GALNT13: variants seen among roughly 807,000 people sequenced by gnomAD.
GALNT13 encodes polypeptide N-acetylgalactosaminyltransferase 13, also known as UDP-GalNAc:polypeptide N-acetylgalactosaminyltransferase 13.
In GALNT13, 28 loss-of-function variants were observed where a neutral mutation model predicts 64.2. The observed-to-expected ratio is 0.44, with a 90% CI of 0.32 to 0.60. The LOEUF is 0.60. Ranked by LOEUF, GALNT13 falls within the 20% of genes least tolerant of loss-of-function variation. The probability of loss-of-function intolerance (pLI) is 0.05; values close to 1 mark genes in which losing one functional copy is unlikely to be tolerated. For synonymous variants in GALNT13, 214 were observed against 224.6 expected, an observed-to-expected ratio of 0.95 and a Z score of 0.42; for missense variants, 577 against 669.8, an observed-to-expected ratio of 0.86 and a Z score of 1.53.
At chr2:154,216,322 T>C (rs539791975) in intron 4 of GALNT13, among the ~76,000 whole-genome samples, 1 of 152,230 alleles carries the variant, frequency 6.6e-6, no homozygotes, top group East Asian at 1.9e-4. Context: ...TTATAGTGCT[T>C]AATGAAACAC....
At chr2:153,521,423 G>A in the GALNT13 span, among the ~76,000 whole-genome samples, 1 of 152,166 alleles carries the variant, frequency 6.6e-6, no homozygotes, top group Non-Finnish European at 1.5e-5. Flanking sequence ...AAAATTAAGA[G>A]GGAAGTACAG....
chr2:153,370,774 A>G, the GALNT13 span: 1 of 152,498 alleles, frequency 6.6e-6, no homozygotes, highest in Non-Finnish European at 1.5e-5. Flanking sequence ...GGCAGCCCAA[A>G]TATTTTTGGA....
At chr2:153,181,035 T>TTTTTTTTC in the GALNT13 span, among the ~76,000 whole-genome samples, 19 of 139,282 alleles carry the variant, frequency 1.4e-4, no homozygotes, top group Non-Finnish European at 2.5e-4. Context: ...TGTTTCTTTT[T>TTTTTTTTC]TTTTTTTTTT....
the GALNT13 span, among the ~76,000 whole-genome samples, chr2:153,448,174 T>C: frequency 9.8e-4 from 150 of 152,332 alleles, no homozygotes; most frequent in Middle Eastern, 3.4e-3. Context: ...AAAAGACTTA[T>C]CCTTTGTTCA....
the GALNT13 span, among the ~76,000 whole-genome samples, chr2:153,115,221 C>T: frequency 6.6e-6 from 1 of 152,168 alleles, no homozygotes; most frequent in Non-Finnish European, 1.5e-5. Context: ...TCACTCTTTT[C>T]ATTTTGTCTG....
intron 3 of GALNT13, among the ~76,000 whole-genome samples, chr2:154,093,184 G>T (rs1296846118): frequency 6.6e-6 from 1 of 151,898 alleles, no homozygotes; most frequent in Non-Finnish European, 1.5e-5. Flanking sequence ...GTAGTAAATG[G>T]TGAATATTCA....
chr2:153,629,533 A>G, the GALNT13 span, among the ~76,000 whole-genome samples: 1 of 152,348 alleles, frequency 6.6e-6, no homozygotes, highest in Admixed American at 6.5e-5. Flanking sequence ...TAGACGTAAA[A>G]CTATAAAAAC....
At chr2:154,432,082 A>G (rs530117398) in intron 11 of GALNT13, among the ~76,000 whole-genome samples, 1 of 152,350 alleles carries the variant, frequency 6.6e-6, no homozygotes, top group South Asian at 2.1e-4. Flanking sequence ...ATCATCCATT[A>G]TAGATAGTAC....
At chr2:154,016,937 A>T (rs2105265043) in intron 3 of GALNT13, among the ~76,000 whole-genome samples, 1 of 152,306 alleles carries the variant, frequency 6.6e-6, no homozygotes, top group East Asian at 1.9e-4. Flanking sequence ...AAGAATGTGG[A>T]ATTAATGAGA....
At chr2:153,630,797 ATATATATATATTTTTT>A in the GALNT13 span, among the ~76,000 whole-genome samples, 28 of 16,464 alleles carry the variant, frequency 1.7e-3, no homozygotes, top group Middle Eastern at 0.038. Context: ...ATATATATAT[ATATATATATATTTTTT>A]TTTTTTTTTT....
chr2:154,025,036 C>G (rs1697843826), intron 3 of GALNT13, among the ~76,000 whole-genome samples: 1 of 152,182 alleles, frequency 6.6e-6, no homozygotes, highest in Admixed American at 6.5e-5. Context: ...ATGCTGCTGC[C>G]TGATCGTTCC....
chr2:154,350,750 C>G lies in GALNT13; in HGVS notation c.1157-45241C>G, dbSNP rs953794423. 9.2e-5 allele frequency among the ~76,000 whole-genome samples: 14 copies of G among 152,196 alleles called. No homozygotes were observed. In the East Asian group the frequency reaches 2.7e-3, roughly 29 times the overall value. On this transcript the variant is annotated intron_variant, in intron 9 of 12. Transcript: ENST00000392825. ...CAGTAATGTGTGGCGGGGGAAGGTA[C>G]AGTAGCCCTCATATGCTCATGAGGG...
At chr2:154,280,601 T>C (rs1346782073) in intron 8 of GALNT13, among the ~76,000 whole-genome samples, 1 of 152,216 alleles carries the variant, frequency 6.6e-6, no homozygotes, top group Non-Finnish European at 1.5e-5. Flanking sequence ...AAACTTTTTC[T>C]GAGCTACCAG....
rs1559075644 is a variant in GALNT13 at position 154,298,606 on chromosome 2, T to TACAA, written c.976-2802_976-2801insCAAA. On this transcript the variant is annotated intron_variant, in intron 8 of 12. Coordinates refer to ENST00000392825, the MANE Select transcript of GALNT13 (RefSeq NM_052917.4). ...ATATAATTTATATATACAATGTATATATTAATTTATATATACATTGTATAT... is the reference window on the plus strand; with the variant it reads ...ATATAATTTATATATACAATGTATATACAAATTAATTTATATATACATTGTATAT... 5.8e-3 allele frequency among the ~76,000 whole-genome samples: 11 copies of TACAA among 1,906 alleles called. 1 individual carries two copies. The highest frequency in any genetic ancestry group is 6.7e-3 in the African/African-American group (11 of 1,636). 1.3% of individuals were successfully genotyped at this position (1,906 alleles called of 152,430 possible). A position where few individuals can be genotyped will look rare whatever the true frequency, so the allele number is the denominator to read the frequency against.
At chr2:153,725,913 A>G in the GALNT13 span, among the ~76,000 whole-genome samples, 21 of 151,238 alleles carry the variant, frequency 1.4e-4, no homozygotes, top group East Asian at 3.9e-3. Flanking sequence ...CTTAATTAGT[A>G]TAATAATTTT....
chr2:153,145,947 T>A, the GALNT13 span, among the ~76,000 whole-genome samples: 1 of 151,892 alleles, frequency 6.6e-6, no homozygotes, highest in African/African-American at 2.4e-5. Context: ...TTCCAACTAT[T>A]TTTTATGGCC....
intron 4 of GALNT13, among the ~76,000 whole-genome samples, chr2:154,152,542 A>G (rs1026729145): frequency 6.6e-6 from 1 of 152,036 alleles, no homozygotes; most frequent in African/African-American, 2.4e-5. Flanking sequence ...ACTTGGTTCC[A>G]TTCACCCCGT....
chr2:153,438,185 T>C, the GALNT13 span, among the ~76,000 whole-genome samples: 8 of 152,176 alleles, frequency 5.3e-5, no homozygotes, highest in Middle Eastern at 3.4e-3. Context: ...GAGTTTCTGC[T>C]GAGAGATCAG....
At chr2:153,763,001 T>C in the GALNT13 span, among the ~76,000 whole-genome samples, 1 of 152,134 alleles carries the variant, frequency 6.6e-6, no homozygotes, top group East Asian at 1.9e-4. Flanking sequence ...TGCATTTGCT[T>C]TTGTAGAGTT....
Sources: allele counts gnomAD v4.1 joint callset (sites outside exome capture counted in the v4.1 genomes callset), GRCh38; gene constraint gnomAD v4.1.1; transcripts MANE v1.5; gene names NCBI Gene and HGNC (gene_info 2026-07-23, HGNC 2026-07-21).